The following PXDNL variants were observed in gnomAD, a reference collection of about 807,000 sequenced individuals.
PXDNL encodes the protein probable oxidoreductase PXDNL.
Under a neutral mutation model 150.8 loss-of-function variants are expected in PXDNL, and 145 were observed. The ratio of observed to expected loss-of-function variants is 0.96; its 90% confidence interval spans 0.84 to 1.10. The LOEUF is 1.10. Ranked by LOEUF, PXDNL falls within the 50% of genes least tolerant of loss-of-function variation. The pLI is 0.00. For synonymous variants in PXDNL, 757 were observed against 725.7 expected (o/e 1.04, Z -0.69); for missense variants, 2,087 against 1,873.9 (o/e 1.11, Z -2.10).
chr8:51,608,046 AAAGAAAGAAAGCAAGCAAGCAAGCAAGC>A (rs1371873810), intron 2 of PXDNL, among the ~76,000 whole-genome samples: 25 of 116,658 alleles, frequency 2.1e-4, no homozygotes, highest in African/African-American at 6.6e-4. Context: ...AGAAAGAAAG[AAAGAAAGAAAGCAAGCAAGCAAGCAAGC>A]AAGCAAGCAA....
intron 6 of PXDNL, among the ~76,000 whole-genome samples, chr8:51,475,802 C>T (rs190791132): frequency 6.6e-6 from 1 of 152,218 alleles, no homozygotes; most frequent in Admixed American, 6.5e-5. Flanking sequence ...CAGTAGTCCC[C>T]AGTGTCTATC....
At chr8:51,747,987 T>G (rs1335551159) in intron 1 of PXDNL, among the ~76,000 whole-genome samples, 1 of 152,176 alleles carries the variant, frequency 6.6e-6, no homozygotes, top group Non-Finnish European at 1.5e-5. Context: ...CTTGTATACA[T>G]AGCAGCAATA....
intron 1 of PXDNL, among the ~76,000 whole-genome samples, chr8:51,789,196 A>ATT (rs10718358): frequency 3.9e-4 from 52 of 132,002 alleles, no homozygotes; most frequent in Admixed American, 7.6e-4. Flanking sequence ...CATTGTACCC[A>ATT]TTTTTTTTTT....
rs892030479 is a variant in PXDNL at position 51,796,804 on chromosome 8, C to T, written c.164+12377G>A. On this transcript the variant is annotated intron_variant, in intron 1 of 22. Transcript: ENST00000356297. ...ATTCCAAACAATTGAAAAGGAAGGA[C>T]TTCTACCTAACTCATTTTATGAAGC... is the stretch of plus-strand genomic sequence containing the variant. 7.2e-5 allele frequency among the ~76,000 whole-genome samples: 11 copies of T among 152,256 alleles called. No homozygotes were observed. In the East Asian group the frequency reaches 1.9e-3, roughly 27 times the overall value.
intron 1 of PXDNL, among the ~76,000 whole-genome samples, chr8:51,703,455 A>T (rs1450682887): frequency 6.6e-6 from 1 of 152,228 alleles, no homozygotes; most frequent in Non-Finnish European, 1.5e-5. Context: ...AAACCAGTAC[A>T]ATCGTATCTT....
chr8:51,610,551 T>C (rs1006544294), intron 2 of PXDNL, among the ~76,000 whole-genome samples: 31 of 152,200 alleles, frequency 2.0e-4, no homozygotes, highest in African/African-American at 7.2e-4. Context: ...ATTAATTTTC[T>C]ATTGCTATAT....
intron 4 of PXDNL, among the ~76,000 whole-genome samples, chr8:51,504,886 A>T: frequency 6.6e-6 from 1 of 152,258 alleles, no homozygotes; most frequent in East Asian, 1.9e-4. Context: ...TCCTAATAAA[A>T]GCTTTCTGAG....
At chr8:51,782,133 G>C (rs2037421213) in intron 1 of PXDNL, among the ~76,000 whole-genome samples, 1 of 152,182 alleles carries the variant, frequency 6.6e-6, no homozygotes, top group African/African-American at 2.4e-5. Flanking sequence ...CCATTGCCAG[G>C]AGTGCCCACC....
chr8:51,734,676 T>C (rs1410310811), intron 1 of PXDNL, among the ~76,000 whole-genome samples: 4 of 152,226 alleles, frequency 2.6e-5, no homozygotes, highest in Non-Finnish European at 5.9e-5. Context: ...ATTTCCTATG[T>C]TGACACCTAA....
chr8:51,544,632 G>A (rs1479210719), intron 4 of PXDNL, among the ~76,000 whole-genome samples: 4 of 152,124 alleles, frequency 2.6e-5, no homozygotes, highest in Admixed American at 2.6e-4. Flanking sequence ...ATCAAGAAAA[G>A]AATAAGGCTA....
chr8:51,553,618 G>A (rs1812538287), intron 4 of PXDNL, among the ~76,000 whole-genome samples: 4 of 151,966 alleles, frequency 2.6e-5, no homozygotes, highest in Admixed American at 2.6e-4. Context: ...GATGCATTGT[G>A]AGCTCCTTTA....
intron 4 of PXDNL, among the ~76,000 whole-genome samples, chr8:51,519,588 G>T (rs748797526): frequency 6.6e-6 from 1 of 152,106 alleles, no homozygotes; most frequent in Non-Finnish European, 1.5e-5. Flanking sequence ...AGGAAGAGGA[G>T]AAAGAGGAGG....
chr8:51,338,709 T>G (rs1805904782), intron 21 of PXDNL, among the ~76,000 whole-genome samples: 2 of 152,234 alleles, frequency 1.3e-5, no homozygotes, highest in Admixed American at 1.3e-4. Flanking sequence ...AATAAAAATA[T>G]CTACATCGCA....
chr8:51,401,348 C>A (rs180755457), intron 17 of PXDNL, among the ~76,000 whole-genome samples: 149 of 152,220 alleles, frequency 9.8e-4, no homozygotes, highest in East Asian at 5.8e-4. Context: ...TTCATCAGTG[C>A]ACCATATGCA....
intron 5 of PXDNL, 77 bp downstream of exon 5, chr8:51,499,622 T>G: frequency 9.0e-7 from 1 of 1,105,262 alleles, no homozygotes; most frequent in South Asian, 1.3e-5. Context: ...TGGCCTGATC[T>G]CCACGGCAGT....
Position 51,521,329 on chromosome 8 carries a change from A to C in PXDNL, c.381-21559T>G, listed in dbSNP as rs1585545997. 0.015 allele frequency among the ~76,000 whole-genome samples: 8 copies of C among 526 alleles called. No homozygotes were observed. The South Asian group carries it at 0.5, about 33-fold the overall frequency. 0.3% of individuals were successfully genotyped at this position (526 alleles called of 152,430 possible). On this transcript the variant is annotated intron_variant, in intron 4 of 22. Coordinates refer to ENST00000356297, the MANE Select transcript of PXDNL (RefSeq NM_144651.5). ...ATAATCTCAGAGAGATGGAAACTAT[A>C]AAAAAAAAGAAAATATTTTAACTCA...
chr8:51,796,855 G>C (rs574038650), intron 1 of PXDNL, among the ~76,000 whole-genome samples: 1 of 152,028 alleles, frequency 6.6e-6, no homozygotes, highest in African/African-American at 2.4e-5. Context: ...ACCAAAACCC[G>C]GCACAGATGC....
chr8:51,663,180 C>T (rs1490836556), intron 1 of PXDNL, among the ~76,000 whole-genome samples: 5 of 152,164 alleles, frequency 3.3e-5, no homozygotes, highest in Admixed American at 2.6e-4. Context: ...GGGAAATGGC[C>T]CTCAAGTGTA....
At chr8:51,633,068 C>A (rs372529669) in intron 2 of PXDNL, among the ~76,000 whole-genome samples, 1 of 151,922 alleles carries the variant, frequency 6.6e-6, no homozygotes, top group East Asian at 1.9e-4. Flanking sequence ...CATTCTAATA[C>A]CCCCCGTGTC....
Sources: allele counts gnomAD v4.1 joint callset (sites outside exome capture counted in the v4.1 genomes callset), GRCh38; gene constraint gnomAD v4.1.1; transcripts MANE v1.5; gene names NCBI Gene and HGNC (gene_info 2026-07-23, HGNC 2026-07-21).